Variants in FRY observed in about 807,000 individuals in gnomAD.
FRY encodes the protein protein furry homolog.
A neutral mutation model predicts 348.4 loss-of-function variants in FRY; 128 were observed. The ratio of observed to expected loss-of-function variants is 0.37; its 90% CI spans 0.32 to 0.43. The LOEUF is 0.43. FRY is among the 20% of genes least tolerant of loss of function. FRY has a pLI of 1.00. For synonymous variants in FRY, 1,370 were observed against 1,374.7 expected (o/e 1.00, Z 0.08); for missense variants, 2,736 against 3,695.2 (o/e 0.74, Z 6.73).
chr13:32,149,678 A>C, intron 13 of FRY, 70 bp from the exon 14 acceptor site: 1 of 898,718 alleles, frequency 1.1e-6, no homozygotes, highest in Non-Finnish European at 1.8e-6. Flanking sequence ...GTGCATATTG[A>C]TGAAAATAGC....
intron 1 of FRY, among the ~76,000 whole-genome samples, chr13:32,043,034 A>G (rs2138369786): frequency 6.6e-6 from 1 of 152,346 alleles, no homozygotes; most frequent in Non-Finnish European, 1.5e-5. Flanking sequence ...GCAATTTACA[A>G]AAGAAAGAGG....
intron 29 of FRY, among the ~76,000 whole-genome samples, chr13:32,199,701 T>C (rs1883891402): frequency 6.6e-6 from 1 of 152,218 alleles, no homozygotes; most frequent in Non-Finnish European, 1.5e-5. Flanking sequence ...GTTGCTTGAA[T>C]CTTTTAGAAG....
chr13:32,266,750 G>T (rs915004899), intron 54 of FRY, among the ~76,000 whole-genome samples: 1 of 152,204 alleles, frequency 6.6e-6, no homozygotes, highest in Admixed American at 6.5e-5. Flanking sequence ...TTGGGAGGCC[G>T]AACTGGGTGG....
At chr13:32,289,973 T>C (rs1889254470) in intron 59 of FRY, among the ~76,000 whole-genome samples, 1 of 152,188 alleles carries the variant, frequency 6.6e-6, no homozygotes, top group Non-Finnish European at 1.5e-5. Context: ...TAAGAACGCG[T>C]GTAGGAAGGA....
chr13:32,236,063 T>C lies in FRY; in HGVS notation c.5716-15T>C. The C allele has an allele frequency of 6.4e-7, 1 of 1,574,550 alleles. No homozygotes were observed. The highest frequency in any genetic ancestry group is 1.7e-5 in the Admixed American group (1 of 59,984). ...TTACAAGCAATACAAAATGCTATCTTTGCATGTTTGGCAGGGTTATGTAAT... is the reference window on the plus strand; with the variant it reads ...TTACAAGCAATACAAAATGCTATCTCTGCATGTTTGGCAGGGTTATGTAAT... On this transcript the variant is annotated splice_polypyrimidine_tract_variant and intron_variant, in intron 42 of 60. Coordinates refer to ENST00000542859, the MANE Select transcript of FRY (RefSeq NM_023037.3).
chr13:32,180,249 T>C (rs1309972595), intron 23 of FRY, among the ~76,000 whole-genome samples: 3 of 152,150 alleles, frequency 2.0e-5, no homozygotes, highest in Admixed American at 2.0e-4. Flanking sequence ...TTTTTTTTTT[T>C]CTTGAGACGG....
At chr13:32,082,867 T>A (rs1422417899) in intron 2 of FRY, among the ~76,000 whole-genome samples, 1 of 152,162 alleles carries the variant, frequency 6.6e-6, no homozygotes, top group Non-Finnish European at 1.5e-5. Flanking sequence ...ACTTTTATAG[T>A]TTTTTTCTTT....
chr13:32,157,411 TAC>T lies in FRY; in HGVS notation c.1784+8_1784+9del. On this transcript the variant is annotated splice_region_variant and intron_variant, in intron 16 of 60. Transcript: ENST00000542859. ...GAACCGGAAGACATGATCACGTGAG[TAC>T]AGTAAAGACTAAGTTATCAGTGAAA... 1.2e-6 allele frequency: 2 copies of T among 1,611,816 alleles called. No homozygotes were observed. Among genetic ancestry groups the T allele is most frequent in the Non-Finnish European group, 1.7e-6 (2 of 1,178,116 alleles).
Position 32,234,673 on chromosome 13 carries a change from C to T in FRY, c.5627C>T (p.Ala1876Val), listed in dbSNP as rs755089079. 3.7e-6 allele frequency: 6 copies of T among 1,614,046 alleles called. No homozygotes were observed. The Admixed American group carries it at 1.0e-4, about 27-fold the overall frequency. ...GGTCGGTCCTTCCAGATATTCCGGG[C>T]CCTCAAGCAACCTCTGTCAGCACAT... ...YAGRSFQIFR[A>V]LKQPLSAHAL... The change falls in exon 42 of 61, where the codon GCC becomes GTC. Residue 1876 changes from alanine to valine, a missense_variant. Physicochemically the swap from Ala to Val is moderately conservative, Grantham distance 64 (BLOSUM62 0). Around this residue, in one of 9 missense-constraint regions of FRY, gnomAD observed 794 missense variants for 977.0 expected, o/e 0.81. Transcript: ENST00000542859.
At chr13:32,208,220 AG>A (rs1289801774) in intron 31 of FRY, among the ~76,000 whole-genome samples, 1 of 152,220 alleles carries the variant, frequency 6.6e-6, no homozygotes, top group African/African-American at 2.4e-5. Context: ...TTCTTCCTAG[AG>A]ATCCGCATGT....
intron 7 of FRY, among the ~76,000 whole-genome samples, chr13:32,127,134 G>A (rs1401934346): frequency 6.6e-6 from 1 of 152,042 alleles, no homozygotes; most frequent in Non-Finnish European, 1.5e-5. Context: ...GCCAAAATCT[G>A]GTAGATTCAT....
chr13:32,150,081 T>C (rs1880706255), intron 14 of FRY, among the ~76,000 whole-genome samples: 1 of 152,234 alleles, frequency 6.6e-6, no homozygotes, highest in South Asian at 2.1e-4. Context: ...AACAAAGTAA[T>C]TCTTGCCCAA....
In FRY at chr13:32,223,990, G is replaced by T. The variant is rs1462138746; in HGVS notation, c.4766-245G>T. On this transcript the variant is annotated intron_variant, in intron 36 of 60. Transcript: ENST00000542859. ...GACCTCAGGTGATCCACCCACCTCA[G>T]CCTCCCAAAGTGCTGGGATTACAGG... is the stretch of plus-strand genomic sequence containing the variant. Among the ~76,000 whole-genome samples the T allele has an allele frequency of 2.0e-5, 3 of 151,938 alleles. No homozygotes were observed. The East Asian group carries it at 5.8e-4, about 29-fold the overall frequency.
chr13:32,102,104 A>T, intron 3 of FRY, 88 bp downstream of exon 3: 1 of 803,852 alleles, frequency 1.2e-6, no homozygotes, highest in Non-Finnish European at 2.2e-6. Context: ...TGTTGTATGG[A>T]TGAACATCCT....
chr13:32,053,299 A>T (rs1275824846), intron 1 of FRY, among the ~76,000 whole-genome samples: 1 of 152,046 alleles, frequency 6.6e-6, no homozygotes, highest in Non-Finnish European at 1.5e-5. Flanking sequence ...CTTAGACTGG[A>T]TTTTATTTTG....
chr13:32,289,608 C>G (rs1204262362), intron 58 of FRY, 25 bp from the exon 59 acceptor site: 2 of 1,309,248 alleles, frequency 1.5e-6, no homozygotes, highest in Non-Finnish European at 2.2e-6. Flanking sequence ...ATAACTGTTT[C>G]TTCCCATGCA....
At chr13:32,214,889 G>A (rs1166009022) in intron 35 of FRY, among the ~76,000 whole-genome samples, 1 of 152,096 alleles carries the variant, frequency 6.6e-6, no homozygotes, top group Non-Finnish European at 1.5e-5. Flanking sequence ...CATGGGCTGA[G>A]GGAAGCACCA....
chr13:32,121,403 T>C (rs1264434046), intron 4 of FRY, among the ~76,000 whole-genome samples: 1 of 152,190 alleles, frequency 6.6e-6, no homozygotes, highest in African/African-American at 2.4e-5. Context: ...GCAGAAGTGT[T>C]CCCTGTTCAC....
intron 5 of FRY, 48 bp downstream of exon 5, chr13:32,124,424 A>C (rs1308525693): frequency 9.2e-7 from 1 of 1,086,230 alleles, no homozygotes. Context: ...TATTGATCTA[A>C]AAACTACTTA....
Sources: gnomAD v4.1 joint callset for allele counts (sites outside exome capture counted in the v4.1 genomes callset) on GRCh38, gnomAD v4.1.1 for gene constraint, gnomAD v4.1.1 regional missense constraint, MANE v1.5 for transcripts, NCBI Gene and HGNC (gene_info 2026-07-23, HGNC 2026-07-21) for gene names.